Variants in PPHLN1 observed in about 807,000 individuals in gnomAD.
The protein encoded by PPHLN1 is periphilin-1.
Under a neutral mutation model 51.3 loss-of-function variants are expected in PPHLN1, and 29 were observed. The observed-to-expected ratio is 0.57, with a 90% CI of 0.42 to 0.77. The LOEUF is 0.77. Ranked by LOEUF, PPHLN1 falls within the 30% of genes least tolerant of loss-of-function variation. PPHLN1 has a pLI of 0.00. For synonymous variants in PPHLN1, 147 were observed against 147.8 expected, an observed-to-expected ratio of 0.99 and a Z score of 0.04; for missense variants, 436 against 438.4, an observed-to-expected ratio of 0.99 and a Z score of 0.05.
intron 9 of PPHLN1, chr12:42,399,531 G>GTTTTACAAAATGTTACA: frequency 2.9e-6 from 2 of 690,932 alleles, no homozygotes; most frequent in Non-Finnish European, 3.6e-6. Flanking sequence ...ATGTGAAAGG[G>GTTTTACAAAATGTTACA]TTTTATAAAA....
At chr12:42,433,295 C>T (rs1382955278) in intron 9 of PPHLN1, 3 of 636,108 alleles carry the variant, frequency 4.7e-6, no homozygotes, top group Non-Finnish European at 8.9e-6. Flanking sequence ...GTAATCTAAC[C>T]TCATTAAATG....
intron 9 of PPHLN1, among the ~76,000 whole-genome samples, chr12:42,424,927 C>T (rs1399075245): frequency 6.6e-6 from 1 of 152,070 alleles, no homozygotes; most frequent in East Asian, 1.9e-4. Flanking sequence ...CGTGTAGTAA[C>T]ATAATACAGT....
chr12:42,398,780 T>C, intron 8 of PPHLN1, 74 bp from the exon 9 acceptor site: 2 of 1,377,084 alleles, frequency 1.5e-6, no homozygotes, highest in Non-Finnish European at 2.0e-6. Context: ...TGCCAGTTAG[T>C]GCCTATACAC....
intron 6 of PPHLN1, 41 bp downstream of exon 6, chr12:42,385,037 G>C: frequency 6.5e-7 from 1 of 1,539,154 alleles, no homozygotes; most frequent in Non-Finnish European, 9.0e-7. Flanking sequence ...TTGTGAAGGG[G>C]TGGGAGACTT....
At chr12:42,367,019 G>T (rs1364801895) in intron 4 of PPHLN1, among the ~76,000 whole-genome samples, 2 of 151,980 alleles carry the variant, frequency 1.3e-5, no homozygotes, top group African/African-American at 2.4e-5. Context: ...GCTTTTTTAG[G>T]CTCAGTTTCA....
At chr12:42,369,905 TTC>T (rs2075636426) in intron 4 of PPHLN1, among the ~76,000 whole-genome samples, 1 of 152,242 alleles carries the variant, frequency 6.6e-6, no homozygotes, top group African/African-American at 2.4e-5. Flanking sequence ...TGATTACAAT[TTC>T]TGACTCACAA....
At chr12:42,446,624 A>G (rs74711639), downstream of PPHLN1, 1,986 of 1,613,232 alleles carry the variant, frequency 1.2e-3, 16 homozygotes, top group African/African-American at 0.021. Flanking sequence ...AGTAACTGCT[A>G]TGCCTGACAA....
chr12:42,380,006 A>G (rs73272013), intron 5 of PPHLN1, among the ~76,000 whole-genome samples: 1,585 of 152,046 alleles, frequency 0.01, 26 homozygotes, highest in African/African-American at 0.036. Flanking sequence ...CTATTATCTT[A>G]TTTTCATATC....
At chr12:42,336,010 C>T in intron 2 of PPHLN1, 36 bp downstream of exon 2, 1 of 1,388,384 alleles carries the variant, frequency 7.2e-7, no homozygotes, top group East Asian at 2.5e-5. Context: ...ATTCAAAAAC[C>T]TGGTGTCTGA....
chr12:42,406,581 G>A (rs2079333626), intron 9 of PPHLN1, among the ~76,000 whole-genome samples: 1 of 151,874 alleles, frequency 6.6e-6, no homozygotes, highest in South Asian at 2.1e-4. Context: ...TCCTTTTTTT[G>A]TAAAACGGCT....
intron 1 of PPHLN1, among the ~76,000 whole-genome samples, chr12:42,333,317 A>C (rs1315260037): frequency 1.3e-5 from 2 of 152,120 alleles, no homozygotes; most frequent in Non-Finnish European, 2.9e-5. Context: ...ATTTTGATGG[A>C]TATTTTAAGT....
chr12:42,335,933 A>G lies in PPHLN1; in HGVS notation c.31A>G (p.Arg11Gly). ...GTCTGAGGGACGATATGAATATGAA[A>G]GAATTCCGAGAGAACGAGCACCTCC... The part of the protein sequence containing the change: MWSEGRYEYE[R>G]IPRERAPPRS... Residue 11 changes from arginine to glycine, a missense_variant, in exon 2 of 10, where the codon AGA (arginine) becomes GGA (glycine). Arg to Gly is a moderately radical substitution (Grantham distance 125). Transcript: ENST00000358314. 1 of 1,587,726 alleles carries G rather than the reference A, an allele frequency of 6.3e-7. No homozygotes were observed. The highest frequency in any genetic ancestry group is 1.7e-5 in the Admixed American group (1 of 57,644).
chr12:42,393,740 T>C (rs1211027100), intron 8 of PPHLN1, 51 bp downstream of exon 8: 2 of 1,512,970 alleles, frequency 1.3e-6, no homozygotes, highest in African/African-American at 1.4e-5. Flanking sequence ...TTTGTCTGGA[T>C]TTTAAATTAT....
At chr12:42,350,990 G>A (rs2073270963) in intron 2 of PPHLN1, among the ~76,000 whole-genome samples, 3 of 151,876 alleles carry the variant, frequency 2.0e-5, no homozygotes, top group Admixed American at 1.3e-4. Flanking sequence ...GGGAGACCAT[G>A]GCAAGCGGGA....
intron 8 of PPHLN1, among the ~76,000 whole-genome samples, chr12:42,395,163 A>G (rs754011381): frequency 2.6e-5 from 4 of 152,050 alleles, no homozygotes; most frequent in Admixed American, 6.6e-5. Context: ...AAGACTTTTT[A>G]AACATCTTTT....
chr12:42,412,336 A>G (rs1199343672), intron 9 of PPHLN1, among the ~76,000 whole-genome samples: 1 of 152,124 alleles, frequency 6.6e-6, no homozygotes, highest in Admixed American at 6.5e-5. Context: ...TTGTGAGAAC[A>G]TATGGTATTT....
chr12:42,414,549 A>AG (rs35542710), intron 9 of PPHLN1, among the ~76,000 whole-genome samples: 45,842 of 151,954 alleles, frequency 0.3, 7,851 homozygotes, highest in Non-Finnish European at 0.38. Flanking sequence ...CTATTGTAAA[A>AG]GGATTGAGTT....
At chr12:42,389,862 A>G (rs970847600) in intron 7 of PPHLN1, among the ~76,000 whole-genome samples, 2 of 152,172 alleles carry the variant, frequency 1.3e-5, no homozygotes, top group East Asian at 1.9e-4. Context: ...TCTCTATTCT[A>G]TAGTAGAGTG....
chr12:42,337,538 T>G (rs1056262939), intron 2 of PPHLN1, among the ~76,000 whole-genome samples: 20 of 151,850 alleles, frequency 1.3e-4, no homozygotes, highest in Non-Finnish European at 2.9e-4. Flanking sequence ...TCAGGTGGCC[T>G]GCCCACCTTG....
Sources: gnomAD v4.1 joint callset for allele counts (sites outside exome capture counted in the v4.1 genomes callset) on GRCh38, gnomAD v4.1.1 for gene constraint, MANE v1.5 for transcripts, NCBI Gene and HGNC (gene_info 2026-07-23, HGNC 2026-07-21) for gene names.